ZFHX3: variants seen among roughly 807,000 people sequenced by gnomAD.
ZFHX3 encodes zinc finger homeobox protein 3.
In ZFHX3, 42 loss-of-function variants were observed where a neutral mutation model predicts 279.1. The ratio of observed to expected loss-of-function variants is 0.15; its 90% CI spans 0.12 to 0.19. The LOEUF is 0.19. Ranked by LOEUF, ZFHX3 falls within the 10% of genes least tolerant of loss-of-function variation. The pLI is 1.00. For missense variants in ZFHX3, 4,981 were observed against 4,754.0 expected (o/e 1.05, Z -1.40); for synonymous variants, 2,293 against 1,957.8 (o/e 1.17, Z -4.52).
intron 2 of ZFHX3, among the ~76,000 whole-genome samples, chr16:73,468,465 G>A (rs530102225): frequency 3.2e-4 from 49 of 152,306 alleles, no homozygotes; most frequent in African/African-American, 1.0e-3. Flanking sequence ...GCTAGGCGTG[G>A]TGGCTCACAC....
intron 4 of ZFHX3, among the ~76,000 whole-genome samples, chr16:72,879,113 C>T (rs1418981539): frequency 2.6e-5 from 4 of 152,094 alleles, no homozygotes; most frequent in South Asian, 4.2e-4. Flanking sequence ...GGACGGGCTC[C>T]GAATGAAAGC....
intron 3 of ZFHX3, among the ~76,000 whole-genome samples, chr16:73,356,275 G>A (rs1270186138): frequency 2.0e-5 from 3 of 152,132 alleles, no homozygotes; most frequent in Non-Finnish European, 2.9e-5. Context: ...CGGCTGGCCC[G>A]ATGAAGACAG....
At chr16:73,208,213 T>A (rs1040955853) in intron 5 of ZFHX3, among the ~76,000 whole-genome samples, 1 of 152,184 alleles carries the variant, frequency 6.6e-6, no homozygotes, top group African/African-American at 2.4e-5. Context: ...ATAAGCAATA[T>A]AATAACAGTG....
intron 2 of ZFHX3, among the ~76,000 whole-genome samples, chr16:73,524,955 A>C (rs1048567410): frequency 2.0e-5 from 3 of 151,890 alleles, no homozygotes; most frequent in Admixed American, 6.6e-5. Context: ...TCAGCTAAAC[A>C]CTCTACACAA....
chr16:72,886,376 G>C (rs1466440505), intron 4 of ZFHX3, among the ~76,000 whole-genome samples: 1 of 151,530 alleles, frequency 6.6e-6, no homozygotes, highest in Non-Finnish European at 1.5e-5. Flanking sequence ...CACTGAAGTT[G>C]CTCACACACT....
chr16:73,204,963 G>A (rs559142826), intron 5 of ZFHX3, among the ~76,000 whole-genome samples: 245 of 152,204 alleles, frequency 1.6e-3, no homozygotes, highest in African/African-American at 2.1e-3. Context: ...AACTTACAAG[G>A]GAGCCTAATC....
At position 73,861,260 on chromosome 16, in the gene ZFHX3, C is replaced by T. The variant is rs371233441; in HGVS notation, c.-1608+30391G>A. 2.0e-5 allele frequency among the ~76,000 whole-genome samples: 3 copies of T among 152,262 alleles called. No individual in the cohort carries two copies. The South Asian group carries it at 6.2e-4, about 32-fold the overall frequency. ...GATCACAGGCATGAGCCACCAAGTC[C>T]AGCATGTTTTATGCAAATATTTCTA... On this transcript the variant is annotated intron_variant, in intron 1 of 17. Coordinates refer to the ZFHX3 transcript ENST00000641206.
chr16:73,522,853 C>A (rs1597368730), intron 2 of ZFHX3, among the ~76,000 whole-genome samples: 1 of 152,148 alleles, frequency 6.6e-6, no homozygotes, highest in Non-Finnish European at 1.5e-5. Flanking sequence ...GAAGGGGAAG[C>A]AAACACATCC....
At chr16:73,720,217 T>C (rs1007612917) in intron 1 of ZFHX3, among the ~76,000 whole-genome samples, 3 of 152,224 alleles carry the variant, frequency 2.0e-5, no homozygotes, top group Non-Finnish European at 4.4e-5. Context: ...ACACGGGCTT[T>C]AGGGGTATAC....
intron 4 of ZFHX3, among the ~76,000 whole-genome samples, chr16:72,833,806 T>G (rs1423766217): frequency 6.6e-6 from 1 of 152,152 alleles, no homozygotes; most frequent in Non-Finnish European, 1.5e-5. Flanking sequence ...AAGCCCACAG[T>G]AGCCTCAAAC....
intron 1 of ZFHX3, among the ~76,000 whole-genome samples, chr16:73,795,859 C>T (rs1959973451): frequency 1.3e-5 from 2 of 152,214 alleles, no homozygotes; most frequent in African/African-American, 2.4e-5. Flanking sequence ...TGGCCTCTCC[C>T]ACTTCCTATT....
intron 3 of ZFHX3, among the ~76,000 whole-genome samples, chr16:72,894,020 G>A (rs941752140): frequency 5.9e-5 from 9 of 151,894 alleles, no homozygotes; most frequent in Non-Finnish European, 8.8e-5. Context: ...ATAATGGTGG[G>A]TGCCTGTAGT....
intron 1 of ZFHX3, among the ~76,000 whole-genome samples, chr16:72,966,440 C>T (rs1961844088): frequency 6.6e-6 from 1 of 152,202 alleles, no homozygotes; most frequent in African/African-American, 2.4e-5. Context: ...AGGAGTTTTA[C>T]TTGATGACAA....
At chr16:73,382,106 A>T (rs1326863090) in intron 3 of ZFHX3, among the ~76,000 whole-genome samples, 1 of 152,190 alleles carries the variant, frequency 6.6e-6, no homozygotes, top group African/African-American at 2.4e-5. Context: ...GTAGTCCCCC[A>T]TTTCTGACCA....
intron 1 of ZFHX3, among the ~76,000 whole-genome samples, chr16:73,746,717 C>T (rs1471921026): frequency 6.6e-6 from 1 of 152,166 alleles, no homozygotes; most frequent in African/African-American, 2.4e-5. Context: ...ATTAAATTAA[C>T]CAAATTATCC....
intron 3 of ZFHX3, among the ~76,000 whole-genome samples, chr16:72,940,275 A>G (rs1312110471): frequency 2.0e-5 from 3 of 152,198 alleles, no homozygotes; most frequent in Admixed American, 2.0e-4. Flanking sequence ...TTCAATGGCC[A>G]GCACAAAATC....
At chr16:73,560,263 A>G (rs1187999465) in intron 2 of ZFHX3, among the ~76,000 whole-genome samples, 1 of 152,194 alleles carries the variant, frequency 6.6e-6, no homozygotes, top group Non-Finnish European at 1.5e-5. Context: ...TAAATATCAC[A>G]CTAAAAATCC....
At chr16:73,390,316 T>C (rs2016985905) in intron 3 of ZFHX3, among the ~76,000 whole-genome samples, 1 of 152,086 alleles carries the variant, frequency 6.6e-6, no homozygotes, top group Admixed American at 6.5e-5. Flanking sequence ...CTGGTCACCA[T>C]GGTGCTGAGA....
intron 2 of ZFHX3, among the ~76,000 whole-genome samples, chr16:73,608,469 G>A (rs978862186): frequency 6.6e-6 from 1 of 152,162 alleles, no homozygotes; most frequent in Non-Finnish European, 1.5e-5. Flanking sequence ...CAGGTAAAAT[G>A]ACTTATTGGC....
Sources: gnomAD v4.1 joint callset for allele counts (sites outside exome capture counted in the v4.1 genomes callset) on GRCh38, gnomAD v4.1.1 for gene constraint, MANE v1.5 for transcripts, NCBI Gene and HGNC (gene_info 2026-07-23, HGNC 2026-07-21) for gene names.